CHRM3: variants seen among roughly 807,000 people sequenced by gnomAD.
CHRM3 encodes the protein cholinergic receptor muscarinic 3, also known as muscarinic acetylcholine receptor M3.
Under a neutral mutation model 41.8 loss-of-function variants are expected in CHRM3, and 11 were observed. The ratio of observed to expected loss-of-function variants is 0.26; its 90% CI spans 0.17 to 0.44. The LOEUF (loss-of-function observed/expected upper bound fraction) is 0.44. CHRM3 is among the 20% of genes least tolerant of loss of function. CHRM3 has a pLI of 1.00. For synonymous variants in CHRM3, 297 were observed against 301.4 expected, an observed-to-expected ratio of 0.99 and a Z score of 0.15; for missense variants, 571 against 745.4, an observed-to-expected ratio of 0.77 and a Z score of 2.72.
At chr1:239,814,732 A>G (rs1346638871) in intron 5 of CHRM3, among the ~76,000 whole-genome samples, 2 of 152,126 alleles carry the variant, frequency 1.3e-5, no homozygotes, top group African/African-American at 2.4e-5. Flanking sequence ...CGGTCAGGTC[A>G]GTGATTTTTC....
intron 2 of CHRM3, among the ~76,000 whole-genome samples, chr1:239,508,436 C>A (rs1405921575): frequency 6.6e-6 from 1 of 152,156 alleles, no homozygotes; most frequent in Non-Finnish European, 1.5e-5. Context: ...ATCACTAGAT[C>A]TATTCTGGTC....
chr1:239,550,249 G>A (rs1431554358), intron 3 of CHRM3, among the ~76,000 whole-genome samples: 1 of 152,174 alleles, frequency 6.6e-6, no homozygotes, highest in Non-Finnish European at 1.5e-5. Context: ...ACGGTCATCT[G>A]TGAAAACTTC....
rs372027057 is a variant in CHRM3 at position 239,803,568 on chromosome 1, G to A, written c.-146-23684G>A. 2.2e-4 allele frequency among the ~76,000 whole-genome samples: 34 copies of A among 152,236 alleles called. No homozygotes were observed. The South Asian group carries it at 6.0e-3, about 27-fold the overall frequency. On this transcript the variant is annotated intron_variant, in intron 5 of 6. Coordinates refer to ENST00000676153, the MANE Select transcript of CHRM3 (RefSeq NM_001375978.1). Reference sequence around the variant, plus strand: ...CCCTTTTATGAGACAGAGCTGATACGTGGAGCCTTGAATTTCATGAGGTGC... The same window carrying A: ...CCCTTTTATGAGACAGAGCTGATACATGGAGCCTTGAATTTCATGAGGTGC...
chr1:239,508,366 A>G (rs1025681942), intron 2 of CHRM3, among the ~76,000 whole-genome samples: 1 of 152,172 alleles, frequency 6.6e-6, no homozygotes. Flanking sequence ...AAATGTAAAT[A>G]ATATGTTTAA....
Position 239,387,732 on chromosome 1 carries a change from C to T in CHRM3, c.-521+505C>T, listed in dbSNP as rs1192078227. On this transcript the variant is annotated intron_variant, in intron 1 of 6. Coordinates refer to ENST00000676153, the MANE Select transcript of CHRM3 (RefSeq NM_001375978.1). This position sits in a 1 kb window ranked among gnomAD's most constrained non-coding sequence, Gnocchi z 5.1. ...CCTGTCATTTCTAAGAAGGCTAAAG[C>T]TGGCACCCGCCAACCTCGCAGTGGG... Among the ~76,000 whole-genome samples the T allele has an allele frequency of 2.0e-5, 3 of 152,168 alleles. No homozygotes were observed. Among genetic ancestry groups the T allele is most frequent in the African/African-American group, 7.2e-5 (3 of 41,446 alleles).
chr1:239,856,489 C>T (rs1211552057), intron 6 of CHRM3, among the ~76,000 whole-genome samples: 1 of 152,132 alleles, frequency 6.6e-6, no homozygotes. Context: ...TTTCGTCTTT[C>T]TCCATGATTT....
chr1:239,472,604 C>T (rs1321520239), intron 1 of CHRM3, among the ~76,000 whole-genome samples: 1 of 152,098 alleles, frequency 6.6e-6, no homozygotes, highest in East Asian at 1.9e-4. Context: ...AAGCCATTGT[C>T]CTCAGCAAAC....
intron 4 of CHRM3, among the ~76,000 whole-genome samples, chr1:239,643,744 G>C (rs1307742323): frequency 6.6e-6 from 1 of 152,190 alleles, no homozygotes; most frequent in Non-Finnish European, 1.5e-5. Flanking sequence ...GCCTCAACCT[G>C]CTTTGGCTCA....
At chr1:239,726,227 G>C (rs1663424871) in intron 5 of CHRM3, among the ~76,000 whole-genome samples, 1 of 151,920 alleles carries the variant, frequency 6.6e-6, no homozygotes, top group Non-Finnish European at 1.5e-5. Flanking sequence ...TTTGTGTCTA[G>C]ATGCTGTTAC....
intron 1 of CHRM3, among the ~76,000 whole-genome samples, chr1:239,404,990 C>A (rs1660482668): frequency 6.6e-6 from 1 of 151,756 alleles, no homozygotes; most frequent in African/African-American, 2.4e-5. Flanking sequence ...AAAGCAAAGA[C>A]AACATAGTCT....
intron 3 of CHRM3, among the ~76,000 whole-genome samples, chr1:239,554,883 C>A (rs1219145209): frequency 1.3e-5 from 2 of 151,894 alleles, no homozygotes; most frequent in African/African-American, 4.8e-5. Flanking sequence ...GCACGTGCCA[C>A]CATGCCCAGC....
intron 5 of CHRM3, among the ~76,000 whole-genome samples, chr1:239,691,906 A>G (rs1208995822): frequency 1.3e-5 from 2 of 152,208 alleles, no homozygotes; most frequent in African/African-American, 4.8e-5. Flanking sequence ...CTGTGAAGTC[A>G]TGAAATCAAA....
At chr1:239,453,753 G>T (rs1664730708) in intron 1 of CHRM3, among the ~76,000 whole-genome samples, 1 of 152,262 alleles carries the variant, frequency 6.6e-6, no homozygotes, top group East Asian at 1.9e-4. Context: ...TTGAGCAGCA[G>T]ATCCCAAGGT....
At chr1:239,614,396 A>G (rs1008435231) in intron 3 of CHRM3, among the ~76,000 whole-genome samples, 6 of 152,198 alleles carry the variant, frequency 3.9e-5, no homozygotes, top group Non-Finnish European at 8.8e-5. Context: ...AATATTTACA[A>G]TCAAATCAGT....
At chr1:239,813,693 G>A (rs1054333582) in intron 5 of CHRM3, among the ~76,000 whole-genome samples, 2 of 145,984 alleles carry the variant, frequency 1.4e-5, no homozygotes, top group South Asian at 2.2e-4. Context: ...CGAGGCGGGC[G>A]GATCACGAGG....
chr1:239,421,000 C>G (rs756440486), intron 1 of CHRM3, among the ~76,000 whole-genome samples: 5 of 152,000 alleles, frequency 3.3e-5, no homozygotes, highest in African/African-American at 4.8e-5. Flanking sequence ...CAAAAAGAGG[C>G]TATAAAGATT....
At chr1:239,600,819 T>C (rs982123039) in intron 3 of CHRM3, among the ~76,000 whole-genome samples, 2 of 151,156 alleles carry the variant, frequency 1.3e-5, no homozygotes, top group African/African-American at 4.9e-5. Flanking sequence ...CTTCCTTCCT[T>C]CCTCTTTACT....
At chr1:239,870,829 G>A (rs1327751792) in intron 6 of CHRM3, among the ~76,000 whole-genome samples, 1 of 152,162 alleles carries the variant, frequency 6.6e-6, no homozygotes, top group East Asian at 1.9e-4. Flanking sequence ...CAGGTGCTGG[G>A]TGTGTTTATC....
At chr1:239,783,137 A>T (rs1668629339) in intron 5 of CHRM3, among the ~76,000 whole-genome samples, 1 of 152,080 alleles carries the variant, frequency 6.6e-6, no homozygotes, top group South Asian at 2.1e-4. Context: ...TTTGAGCTCA[A>T]CTATGTCCTT....
Sources: gnomAD v4.1 joint callset for allele counts (sites outside exome capture counted in the v4.1 genomes callset) on GRCh38, gnomAD v4.1.1 for gene constraint, Gnocchi (gnomAD v3.1) non-coding constraint, MANE v1.5 for transcripts, NCBI Gene and HGNC (gene_info 2026-07-23, HGNC 2026-07-21) for gene names.